The following ZNF813 variants were observed in gnomAD, a reference collection of about 807,000 sequenced individuals.
ZNF813 encodes the protein zinc finger protein 813.
In ZNF813, 3 loss-of-function variants were observed where a neutral mutation model predicts 7.2. That is an observed-to-expected ratio of 0.42 (90% confidence interval 0.19 to 1.08). The LOEUF (loss-of-function observed/expected upper bound fraction) is 1.08. ZNF813 is among the 50% of genes least tolerant of loss of function. The pLI is 0.30. For missense variants in ZNF813, 714 were observed against 753.3 expected, an observed-to-expected ratio of 0.95 and a Z score of 0.61; for synonymous variants, 227 against 256.3, an observed-to-expected ratio of 0.89 and a Z score of 1.09.
At chr19:53,490,147 A>G (rs1397054225) in intron 3 of ZNF813, among the ~76,000 whole-genome samples, 3 of 152,208 alleles carry the variant, frequency 2.0e-5, no homozygotes, top group Non-Finnish European at 4.4e-5. Context: ...ACATTTGTGC[A>G]CTGTCAGTGT....
At position 53,467,739 on chromosome 19, in the gene ZNF813, T is replaced by C; in HGVS notation, c.-124T>C. The C allele has an allele frequency of 5.6e-6, 1 of 177,302 alleles. No homozygotes were observed. Among genetic ancestry groups the C allele is most frequent in the Non-Finnish European group, 1.2e-5 (1 of 81,270 alleles). The allele number at this position is 177,302 out of a possible 1,614,324, so 11.0% of individuals were successfully genotyped here. ...CCTGGCTTCTGTCCTGCGCGCAGATTCGCGAAAACCCGGAAGCGGATCGCG... is the reference window on the plus strand; with the variant it reads ...CCTGGCTTCTGTCCTGCGCGCAGATCCGCGAAAACCCGGAAGCGGATCGCG... On this transcript the variant is annotated 5_prime_UTR_variant, in exon 1 of 4. Transcript: ENST00000396403.
chr19:53,483,374 G>A (rs1200183785), intron 1 of ZNF813, among the ~76,000 whole-genome samples: 1 of 152,032 alleles, frequency 6.6e-6, no homozygotes, highest in Non-Finnish European at 1.5e-5. Flanking sequence ...ATTTTTGGTA[G>A]AGATGGGGTT....
rs750712416 is a variant in ZNF813 at position 53,491,404 on chromosome 19, C to T, written c.1172C>T (p.Thr391Ile). 48 of 1,613,272 alleles carry T rather than the reference C, an allele frequency of 3.0e-5. No individual in the cohort carries two copies. The South Asian group carries it at 5.1e-4, about 17-fold the overall frequency. Residue 391 changes from threonine (T) to isoleucine (I), a missense_variant, in exon 4 of 4, where the codon ACC becomes ATC. Coordinates refer to ENST00000396403, the MANE Select transcript of ZNF813 (RefSeq NM_001004301.4). Reference protein sequence around the residue: ...KPYKCNECGKTFSQELTLKCH... With the variant: ...KPYKCNECGKIFSQELTLKCH... ...TATAAGTGTAATGAATGTGGCAAGA[C>T]CTTCAGTCAGGAGTTAACCCTTAAA...
In ZNF813 at chr19:53,492,007, C is replaced by G; in HGVS notation, c.1775C>G (p.Ala592Gly). The G allele has an allele frequency of 6.2e-7, 1 of 1,614,046 alleles. No individual in the cohort carries two copies. The highest frequency in any genetic ancestry group is 8.5e-7 in the Non-Finnish European group (1 of 1,179,982). Residue 592 changes from alanine (A) to glycine (G), a missense_variant, in exon 4 of 4, where the codon GCA becomes GGA. Ala to Gly is a moderately conservative substitution (Grantham distance 60). Coordinates refer to ENST00000396403, the MANE Select transcript of ZNF813 (RefSeq NM_001004301.4). ...TGTGGCAAGGTTTTTAATCAAAAAGCAAACCTTGCACGTCATCATAGACTT... is the reference window on the plus strand; with the variant it reads ...TGTGGCAAGGTTTTTAATCAAAAAGGAAACCTTGCACGTCATCATAGACTT... The part of the protein sequence containing the change: ...NECGKVFNQK[A>G]NLARHHRLHT...
chr19:53,471,965 T>C (rs1266437885), intron 1 of ZNF813, among the ~76,000 whole-genome samples: 1 of 152,186 alleles, frequency 6.6e-6, no homozygotes, highest in East Asian at 1.9e-4. Context: ...CTTAAGCTGC[T>C]AGCAATGTTT....
At chr19:53,472,167 G>T (rs895574388) in intron 1 of ZNF813, among the ~76,000 whole-genome samples, 1 of 152,122 alleles carries the variant, frequency 6.6e-6, no homozygotes. Flanking sequence ...CACACGGGTA[G>T]GTCTGGCTTT....
At chr19:53,471,646 A>G (rs908427237) in intron 1 of ZNF813, among the ~76,000 whole-genome samples, 2 of 151,868 alleles carry the variant, frequency 1.3e-5, no homozygotes, top group Non-Finnish European at 2.9e-5. Flanking sequence ...CGTCTGTACT[A>G]AAAATACAAA....
intron 2 of ZNF813, among the ~76,000 whole-genome samples, chr19:53,485,114 C>A (rs991125196): frequency 3.9e-5 from 6 of 152,108 alleles, no homozygotes; most frequent in African/African-American, 1.4e-4. Context: ...AAAAAAAATT[C>A]TGCTGTAAAT....
chr19:53,491,213 C>G lies in ZNF813; in HGVS notation c.981C>G (p.Tyr327Ter), dbSNP rs746438868. 1.9e-6 allele frequency: 3 copies of G among 1,613,846 alleles called. No individual in the cohort carries two copies. Among genetic ancestry groups the G allele is most frequent in the Admixed American group, 1.7e-5 (1 of 60,008 alleles). The change falls in exon 4 of 4, where the codon TAC (tyrosine) becomes TAG (stop). Residue 327 changes from tyrosine (Y) to a stop codon, truncating the protein, a stop_gained. Coordinates refer to ENST00000396403, the MANE Select transcript of ZNF813 (RefSeq NM_001004301.4). LOFTEE classifies it low-confidence loss of function (END_TRUNC). ...GAATTCATGCTGGAGAAAAACCATA[C>G]AAGTGTAATGAATGTGGCAAGACCT... ...HRRIHAGEKP[Y>*]KCNECGKTFS...
rs1209205890 is a variant in ZNF813 at position 53,491,706 on chromosome 19, G to A, written c.1474G>A (p.Glu492Lys). Reference sequence around the variant, plus strand: ...AATTCATACGGCAATTCATACTGGAGAGAAACCTTACAAGTGTAATGAATG... The same window carrying A: ...AATTCATACGGCAATTCATACTGGAAAGAAACCTTACAAGTGTAATGAATG... ...LVIHTAIHTG[E>K]KPYKCNECGK... Residue 492 changes from glutamate (E) to lysine (K), a missense_variant, in exon 4 of 4, where the codon GAG (glutamate) becomes AAG (lysine). By Grantham distance (56) the Glu-to-Lys change is moderately conservative. Around this residue, in one of 3 missense-constraint regions of ZNF813, gnomAD observed 563 missense variants for 554.2 expected, o/e 1.02. Coordinates refer to ENST00000396403, the MANE Select transcript of ZNF813 (RefSeq NM_001004301.4). 1.2e-6 allele frequency: 2 copies of A among 1,613,744 alleles called. No homozygotes were observed. The highest frequency in any genetic ancestry group is 3.3e-5 in the Admixed American group (2 of 60,004).
intron 1 of ZNF813, among the ~76,000 whole-genome samples, chr19:53,475,267 G>A (rs1448249639): frequency 6.6e-6 from 1 of 152,226 alleles, no homozygotes; most frequent in Non-Finnish European, 1.5e-5. Flanking sequence ...CTTTTGAGCT[G>A]ATGTTCCGGT....
At position 53,492,699 on chromosome 19, in the gene ZNF813, GA is replaced by G. The variant is rs1473893838; in HGVS notation, c.*614del. 2 of 757,938 alleles carry G rather than the reference GA, an allele frequency of 2.6e-6. No individual in the cohort carries two copies. The highest frequency in any genetic ancestry group is 4.3e-6 in the Non-Finnish European group (2 of 465,122). The allele number at this position is 757,938 out of a possible 1,614,324, so 47.0% of individuals were successfully genotyped here. A position where few individuals can be genotyped will look rare whatever the true frequency, so the allele number is the denominator to read the frequency against. On this transcript the variant is annotated 3_prime_UTR_variant, in exon 4 of 4. Coordinates refer to ENST00000396403, the MANE Select transcript of ZNF813 (RefSeq NM_001004301.4). ...AAATCATTGGAGAACCCATAAGGAA[GA>G]GAGATCATACAAGTGTAATAATCGG...
chr19:53,486,446 CA>C lies in ZNF813; in HGVS notation c.16-173del, dbSNP rs71304182. Among the ~76,000 whole-genome samples, 392 of 133,606 alleles carry C rather than the reference CA, an allele frequency of 2.9e-3. 2 individuals carry two copies. Among genetic ancestry groups the C allele is most frequent in the African/African-American group, 8.1e-3 (288 of 35,526 alleles). The allele number at this position is 133,606 out of a possible 152,430, so 87.7% of individuals were successfully genotyped here. On this transcript the variant is annotated intron_variant, in intron 2 of 3. Coordinates refer to ENST00000396403, the MANE Select transcript of ZNF813 (RefSeq NM_001004301.4). ...TGGGCAGCAGAGTGAGACTCCACCT[CA>C]AAAAAAAAAAAAGCATAATAAAACA...
At chr19:53,483,553 C>T (rs1379883288) in intron 1 of ZNF813, among the ~76,000 whole-genome samples, 197 bp from the exon 2 acceptor site, 1 of 152,150 alleles carries the variant, frequency 6.6e-6, no homozygotes, top group Non-Finnish European at 1.5e-5. Flanking sequence ...CCCCAGCTCC[C>T]CACTGCTGCA....
intron 1 of ZNF813, among the ~76,000 whole-genome samples, chr19:53,470,464 G>T (rs2086353419): frequency 7.1e-6 from 1 of 141,032 alleles, no homozygotes. Flanking sequence ...TGAAAAAGCA[G>T]GTTTTCTTCT....
At position 53,491,367 on chromosome 19, in the gene ZNF813, G is replaced by C. The variant is rs374248868; in HGVS notation, c.1135G>C (p.Gly379Arg). 2 of 1,613,268 alleles carry C rather than the reference G, an allele frequency of 1.2e-6. No individual in the cohort carries two copies. Among genetic ancestry groups the C allele is most frequent in the African/African-American group, 2.7e-5 (2 of 74,978 alleles). ...SLTCHHRLHT[G>R]EKPYKCNECG... ...TACATGCCATCATAGACTTCATACG[G>C]GAGAGAAACCTTATAAGTGTAATGA... Residue 379 changes from glycine to arginine, a missense_variant, in exon 4 of 4, where the codon GGA (glycine) becomes CGA (arginine). Gly to Arg is a moderately radical substitution (Grantham distance 125). Around this residue, in one of 3 missense-constraint regions of ZNF813, gnomAD observed 563 missense variants for 554.2 expected, o/e 1.02. Coordinates refer to ENST00000396403, the MANE Select transcript of ZNF813 (RefSeq NM_001004301.4).
At position 53,491,459 on chromosome 19, in the gene ZNF813, GCCT is replaced by G. The variant is rs2086461641; in HGVS notation, c.1228_1230del (p.Pro410del). On this transcript the variant is annotated inframe_deletion, in exon 4 of 4. Transcript: ENST00000396403. ...ATCGTAGACTTCATACCGGAGAGAA[GCCT>G]TACAAGTGTAATGAATGTGGCAAGG... is the stretch of plus-strand genomic sequence containing the variant. 1 of 1,613,668 alleles carries G rather than the reference GCCT, an allele frequency of 6.2e-7. No homozygotes were observed. Among genetic ancestry groups the G allele is most frequent in the Admixed American group, 1.7e-5 (1 of 59,964 alleles).
rs1423552283 is a variant in ZNF813, at chr19:53,493,537, T to C, written c.*1451T>C. ...ATCTTTTTGCTTTTATTCCTAAGTA[T>C]TTCTTACTTTAAGTTCTCTAGCAAA... On this transcript the variant is annotated 3_prime_UTR_variant, in exon 4 of 4. Coordinates refer to ENST00000396403, the MANE Select transcript of ZNF813 (RefSeq NM_001004301.4). The C allele has an allele frequency of 6.6e-6, 1 of 151,992 alleles. No individual in the cohort carries two copies. Among genetic ancestry groups the C allele is most frequent in the Non-Finnish European group, 1.5e-5 (1 of 68,040 alleles). 9.4% of individuals were successfully genotyped at this position (151,992 alleles called of 1,614,324 possible).
At chr19:53,478,821 G>A (rs1229429275) in intron 1 of ZNF813, among the ~76,000 whole-genome samples, 3 of 151,374 alleles carry the variant, frequency 2.0e-5, no homozygotes, top group Non-Finnish European at 2.9e-5. Context: ...AAAAACAAAA[G>A]GGACATCAAA....
Sources: gnomAD v4.1 joint callset for allele counts (sites outside exome capture counted in the v4.1 genomes callset) on GRCh38, gnomAD v4.1.1 for gene constraint, gnomAD v4.1.1 regional missense constraint, MANE v1.5 for transcripts, NCBI Gene and HGNC (gene_info 2026-07-23, HGNC 2026-07-21) for gene names.